PTPRJ: variants seen among roughly 807,000 people sequenced by gnomAD.
The protein encoded by PTPRJ is protein tyrosine phosphatase receptor type J, also known as receptor-type tyrosine-protein phosphatase eta.
In PTPRJ, 129 loss-of-function variants were observed where a neutral mutation model predicts 141.3. The ratio of observed to expected loss-of-function variants is 0.91; its 90% CI spans 0.79 to 1.06. The LOEUF is 1.06. PTPRJ is among the 50% of genes least tolerant of loss of function. The pLI is 0.00. For missense variants in PTPRJ, 1,601 were observed against 1,679.7 expected (o/e 0.95, Z 0.82); for synonymous variants, 610 against 640.5 (o/e 0.95, Z 0.72).
At chr11:48,021,415 AT>A (rs1220214565) in intron 1 of PTPRJ, among the ~76,000 whole-genome samples, 7 of 106,144 alleles carry the variant, frequency 6.6e-5, no homozygotes, top group South Asian at 4.7e-4. Flanking sequence ...AAATAAATAA[AT>A]AAATAAAATA....
chr11:48,041,108 G>T (rs1162694179), intron 1 of PTPRJ, among the ~76,000 whole-genome samples: 1 of 151,968 alleles, frequency 6.6e-6, no homozygotes, highest in Non-Finnish European at 1.5e-5. Flanking sequence ...TCCTCTTTCT[G>T]TGTCACTGAG....
chr11:47,990,147 A>G (rs1590385490), intron 1 of PTPRJ, among the ~76,000 whole-genome samples: 1 of 152,172 alleles, frequency 6.6e-6, no homozygotes, highest in South Asian at 2.1e-4. Flanking sequence ...TTCCATCTCA[A>G]AAAACAAACA....
intron 1 of PTPRJ, among the ~76,000 whole-genome samples, chr11:47,993,822 A>C (rs1322817774): frequency 6.6e-6 from 1 of 150,868 alleles, no homozygotes; most frequent in Non-Finnish European, 1.5e-5. Context: ...GATTCCCATC[A>C]AACAGTTCAT....
At chr11:48,140,996 G>A (rs1437719082) in intron 11 of PTPRJ, among the ~76,000 whole-genome samples, 2 of 152,106 alleles carry the variant, frequency 1.3e-5, no homozygotes, top group African/African-American at 4.8e-5. Context: ...TTATGTTGTG[G>A]TTGTTTTGGA....
intron 1 of PTPRJ, among the ~76,000 whole-genome samples, chr11:48,040,053 T>C (rs1590428645): frequency 6.6e-6 from 1 of 152,192 alleles, no homozygotes; most frequent in South Asian, 2.1e-4. Context: ...CTTCCCAGAG[T>C]GCTGGGATAA....
At chr11:48,152,531 G>C (rs1401705114) in intron 18 of PTPRJ, among the ~76,000 whole-genome samples, 3 of 152,186 alleles carry the variant, frequency 2.0e-5, no homozygotes, top group Non-Finnish European at 2.9e-5. Context: ...CCATGCCTAT[G>C]TCCTGAATAG....
Position 48,139,487 on chromosome 11 carries a change from T to C in PTPRJ, c.2154T>C (p.Asp718=), listed in dbSNP as rs768980639. The change falls in exon 11 of 25, where the codon GAT becomes GAC. Residue 718 remains aspartate (D), a splice_region_variant and synonymous_variant. Transcript: ENST00000418331. The part of the protein sequence containing the change: ...LEPGRKSFCT[D]PASMASFDCE... ...TGCTGTGCTGTACTTGCTTTGCAGA[T>C]CCTGCGTCCATGGCCTCCTTCGACT... The C allele has an allele frequency of 6.2e-7, 1 of 1,613,302 alleles. No individual in the cohort carries two copies. The highest frequency in any genetic ancestry group is 1.1e-5 in the South Asian group (1 of 91,078).
At chr11:48,088,691 T>C (rs1229535942) in intron 1 of PTPRJ, among the ~76,000 whole-genome samples, 1 of 152,114 alleles carries the variant, frequency 6.6e-6, no homozygotes, top group Non-Finnish European at 1.5e-5. Context: ...CATGTTACTC[T>C]CCATGTTACT....
At chr11:48,069,131 G>A (rs996089193) in intron 1 of PTPRJ, among the ~76,000 whole-genome samples, 5 of 149,870 alleles carry the variant, frequency 3.3e-5, no homozygotes, top group Admixed American at 2.7e-4. Flanking sequence ...ATGGAGTCTC[G>A]CTCTGATGCC....
chr11:48,119,590 G>A (rs1856655629), intron 3 of PTPRJ, among the ~76,000 whole-genome samples: 1 of 152,094 alleles, frequency 6.6e-6, no homozygotes, highest in South Asian at 2.1e-4. Context: ...GTAGAGACGG[G>A]GTTTCACCAT....
chr11:48,006,330 G>T (rs891301110), intron 1 of PTPRJ, among the ~76,000 whole-genome samples: 1 of 152,066 alleles, frequency 6.6e-6, no homozygotes, highest in Non-Finnish European at 1.5e-5. Context: ...GAGAGAGGTG[G>T]AGTGGGAAAG....
At chr11:47,981,059 G>A in intron 1 of PTPRJ, 51 bp downstream of exon 1, 1 of 1,204,614 alleles carries the variant, frequency 8.3e-7, no homozygotes, top group Non-Finnish European at 1.0e-6. Context: ...GGCGGGACTG[G>A]CATTGACTGC....
intron 3 of PTPRJ, among the ~76,000 whole-genome samples, chr11:48,118,345 C>T (rs529545407): frequency 2.0e-5 from 3 of 152,278 alleles, no homozygotes; most frequent in Non-Finnish European, 4.4e-5. Flanking sequence ...CTTGGCCTCC[C>T]GAAGTGCTGA....
intron 1 of PTPRJ, among the ~76,000 whole-genome samples, chr11:48,044,467 G>A (rs1447091186): frequency 6.6e-6 from 1 of 152,198 alleles, no homozygotes; most frequent in Non-Finnish European, 1.5e-5. Flanking sequence ...AGGACTCTAA[G>A]GGATCTCCAA....
At chr11:48,166,227 A>G (rs995143533) in intron 24 of PTPRJ, among the ~76,000 whole-genome samples, 6 of 151,680 alleles carry the variant, frequency 4.0e-5, no homozygotes, top group African/African-American at 1.5e-4. Flanking sequence ...CAATGTTTAT[A>G]GTTTGGTGTA....
At chr11:48,118,349 G>A (rs1339435839) in intron 3 of PTPRJ, among the ~76,000 whole-genome samples, 2 of 152,164 alleles carry the variant, frequency 1.3e-5, no homozygotes, top group South Asian at 4.1e-4. Context: ...GCCTCCCGAA[G>A]TGCTGAGATT....
intron 1 of PTPRJ, among the ~76,000 whole-genome samples, chr11:48,073,396 C>T (rs557972922): frequency 8.5e-5 from 13 of 152,326 alleles, no homozygotes; most frequent in African/African-American, 2.9e-4. Context: ...TCCCACCCAT[C>T]GTCCTGCCCT....
At position 48,056,836 on chromosome 11, in the gene PTPRJ, C is replaced by A. The variant is rs1854764410; in HGVS notation, c.97-53222C>A. Among the ~76,000 whole-genome samples, 4 of 152,188 alleles carry A rather than the reference C, an allele frequency of 2.6e-5. No homozygotes were observed. In the South Asian group the frequency reaches 8.3e-4, roughly 32 times the overall value. The stretch of plus-strand genomic sequence containing the variant: ...GGGTGTAGTGGTGCATGCCTATAAT[C>A]CCAGCTACTCAGGAGACAGAGGCAG... On this transcript the variant is annotated intron_variant, in intron 1 of 24. Transcript: ENST00000418331.
intron 4 of PTPRJ, 120 bp from the exon 5 acceptor site, chr11:48,123,493 C>T: frequency 2.0e-6 from 2 of 1,013,466 alleles, no homozygotes; most frequent in South Asian, 1.7e-5. Flanking sequence ...CATCAGTGAC[C>T]TCAGTCATTC....
Sources: gnomAD v4.1 joint callset for allele counts (sites outside exome capture counted in the v4.1 genomes callset) on GRCh38, gnomAD v4.1.1 for gene constraint, MANE v1.5 for transcripts, NCBI Gene and HGNC (gene_info 2026-07-23, HGNC 2026-07-21) for gene names.